AGO1: variants seen among roughly 807,000 people sequenced by gnomAD.
The protein encoded by AGO1 is argonaute RISC component 1.
A neutral mutation model predicts 109.2 loss-of-function variants in AGO1; 11 were observed. The ratio of observed to expected loss-of-function variants is 0.10; its 90% CI spans 0.06 to 0.17. The LOEUF (loss-of-function observed/expected upper bound fraction) is 0.17. Ranked by LOEUF, AGO1 falls within the 10% of genes least tolerant of loss-of-function variation. The probability of loss-of-function intolerance (pLI) is 1.00; values close to 1 mark genes in which losing one functional copy is unlikely to be tolerated. For missense variants in AGO1, 574 were observed against 1,140.3 expected (o/e 0.50, Z 7.15); for synonymous variants, 422 against 418.6 (o/e 1.01, Z -0.10).
chr1:35,904,586 T>C (rs866235737), intron 11 of AGO1, among the ~76,000 whole-genome samples: 6 of 152,122 alleles, frequency 3.9e-5, no homozygotes, highest in African/African-American at 1.5e-4. Flanking sequence ...TTTTGGCCAT[T>C]TGGGGTATGG....
intron 6 of AGO1, 70 bp from the exon 7 acceptor site, chr1:35,894,245 C>T (rs1220189956): frequency 1.0e-5 from 16 of 1,599,934 alleles, no homozygotes; most frequent in Non-Finnish European, 1.3e-5. Flanking sequence ...GGGGTATGCT[C>T]AGGGGAGAGA....
At chr1:35,890,800 T>C (rs1221711194) in intron 2 of AGO1, among the ~76,000 whole-genome samples, 2 of 152,190 alleles carry the variant, frequency 1.3e-5, no homozygotes, top group African/African-American at 4.8e-5. Context: ...TGCACCAATC[T>C]AATATTTCAG....
chr1:35,897,502 C>T (rs1320697610), intron 8 of AGO1, among the ~76,000 whole-genome samples: 3 of 152,240 alleles, frequency 2.0e-5, no homozygotes, highest in East Asian at 1.9e-4. Flanking sequence ...GTTGAAACCA[C>T]GTGGCATTTT....
chr1:35,908,436 TA>T (rs1645567049), intron 12 of AGO1, among the ~76,000 whole-genome samples: 1 of 152,224 alleles, frequency 6.6e-6, no homozygotes, highest in Non-Finnish European at 1.5e-5. Context: ...TATATGTGAT[TA>T]AAATCTTGAT....
At chr1:35,915,644 T>C in intron 15 of AGO1, 102 bp downstream of exon 15, 2 of 1,110,536 alleles carry the variant, frequency 1.8e-6, no homozygotes, top group Non-Finnish European at 2.6e-6. Context: ...TGTCACTTCT[T>C]AGTGAGCTTT....
Position 35,908,729 on chromosome 1 carries a change from C to T in AGO1, c.1582+1610C>T, listed in dbSNP as rs74908607. ...CTTCGGAGACAGTCTTGTCTTTTCG[C>T]TTCACCTTCATTGTTCTTCTTCAAA... is the stretch of plus-strand genomic sequence containing the variant. On this transcript the variant is annotated intron_variant, in intron 12 of 18. Transcript: ENST00000373204. Among the ~76,000 whole-genome samples, 411 of 152,092 alleles carry T rather than the reference C, an allele frequency of 2.7e-3. 3 individuals carry two copies. The highest frequency in any genetic ancestry group is 8.9e-3 in the African/African-American group (369 of 41,460).
At chr1:35,879,627 C>T (rs1254564730), upstream of AGO1, among the ~76,000 whole-genome samples, 3 of 135,170 alleles carry the variant, frequency 2.2e-5, no homozygotes, top group African/African-American at 5.6e-5. Context: ...CCCAGCTACT[C>T]GGGAGGCAGA....
Position 35,888,350 on chromosome 1 carries a change from G to A in AGO1, c.26-77G>A. 1 of 1,470,802 alleles carries A rather than the reference G, an allele frequency of 6.8e-7. No homozygotes were observed. Among genetic ancestry groups the A allele is most frequent in the South Asian group, 1.2e-5 (1 of 80,344 alleles). The allele number at this position is 1,470,802 out of a possible 1,614,324, so 91.1% of individuals were successfully genotyped here. A position where few individuals can be genotyped will look rare whatever the true frequency, so the allele number is the denominator to read the frequency against. ...CTATACTCTCGTGTTCCTGTTCTGG[G>A]AGGCCTTGTTCCTCCTCTGATAAGA... On this transcript the variant is annotated intron_variant, in intron 1 of 18. Transcript: ENST00000373204. The surrounding 1 kb of genome is among the most constrained non-coding windows in gnomAD (Gnocchi z 4.1).
intron 1 of AGO1, chr1:35,873,818 C>G (rs1644972354): frequency 6.6e-6 from 1 of 152,264 alleles, no homozygotes; most frequent in South Asian, 2.1e-4. Flanking sequence ...AAATATCCCT[C>G]CATACTTCTT....
intron 1 of AGO1, among the ~76,000 whole-genome samples, chr1:35,885,907 A>G (rs1422381101): frequency 6.6e-6 from 1 of 152,254 alleles, no homozygotes; most frequent in Admixed American, 6.5e-5. Context: ...CTCACATGGA[A>G]CAGATCCTTT....
rs985893756 is a variant in AGO1 at position 35,899,385 on chromosome 1, A to AT, written c.1021-2081dup. Among the ~76,000 whole-genome samples, 10 of 151,960 alleles carry AT rather than the reference A, an allele frequency of 6.6e-5. No homozygotes were observed. The East Asian group carries it at 1.2e-3, about 18-fold the overall frequency. On this transcript the variant is annotated intron_variant, in intron 8 of 18. Transcript: ENST00000373204. ...AATATTTGTTGAAGTTCCTGTTTTC[A>AT]TTTTTTTTGAGTACATACCCAGAAG...
intron 1 of AGO1, among the ~76,000 whole-genome samples, chr1:35,886,003 A>G (rs1645113999): frequency 6.6e-6 from 1 of 152,168 alleles, no homozygotes; most frequent in Non-Finnish European, 1.5e-5. Context: ...TTGAATAGGC[A>G]GTCTGGCTCC....
chr1:35,894,603 C>T (rs1317050504), intron 7 of AGO1, among the ~76,000 whole-genome samples: 1 of 152,104 alleles, frequency 6.6e-6, no homozygotes, highest in Non-Finnish European at 1.5e-5. Flanking sequence ...CCATTTTTAC[C>T]TTCTTGATCT....
chr1:35,874,545 A>T (rs1219440035), intron 1 of AGO1, among the ~76,000 whole-genome samples: 1 of 152,198 alleles, frequency 6.6e-6, no homozygotes, highest in Non-Finnish European at 1.5e-5. Flanking sequence ...GGGCCTCCCT[A>T]TTCCTTGAGA....
chr1:35,902,805 A>G (rs772762243), intron 11 of AGO1, among the ~76,000 whole-genome samples: 1 of 152,164 alleles, frequency 6.6e-6, no homozygotes, highest in Non-Finnish European at 1.5e-5. Context: ...AGTTGGAAGC[A>G]AATCAGATCT....
chr1:35,876,517 C>T (rs1288019566), intron 1 of AGO1, among the ~76,000 whole-genome samples: 7 of 152,046 alleles, frequency 4.6e-5, no homozygotes, highest in African/African-American at 1.2e-4. Flanking sequence ...CCGCCCACCT[C>T]GGCCTCCCAA....
At chr1:35,914,334 C>G in intron 14 of AGO1, 60 bp downstream of exon 14, 1 of 1,409,904 alleles carries the variant, frequency 7.1e-7, no homozygotes, top group Non-Finnish European at 1.0e-6. Context: ...GTCCTCAAAA[C>G]TGCCCATGAT....
chr1:35,881,869 C>T (rs893737820), upstream of AGO1, among the ~76,000 whole-genome samples: 5 of 152,076 alleles, frequency 3.3e-5, no homozygotes, highest in Admixed American at 6.6e-5. Flanking sequence ...TGCACCAGAC[C>T]GAATAGGAGG....
chr1:35,898,288 G>A (rs1645354978), intron 8 of AGO1, among the ~76,000 whole-genome samples: 1 of 148,232 alleles, frequency 6.7e-6, no homozygotes, highest in Admixed American at 6.8e-5. Flanking sequence ...ACGGAGTATC[G>A]CTCTGTTACC....
Sources: allele counts gnomAD v4.1 joint callset (sites outside exome capture counted in the v4.1 genomes callset), GRCh38; gene constraint gnomAD v4.1.1; non-coding constraint Gnocchi (gnomAD v3.1); transcripts MANE v1.5; gene names NCBI Gene and HGNC (gene_info 2026-07-23, HGNC 2026-07-21).